The following SYT2 variants were observed in gnomAD, a reference collection of about 807,000 sequenced individuals.
The protein encoded by SYT2 is synaptotagmin-2.
A neutral mutation model predicts 39.9 loss-of-function variants in SYT2; 15 were observed. The ratio of observed to expected loss-of-function variants is 0.38; its 90% CI spans 0.25 to 0.58. The LOEUF is 0.58. Ranked by LOEUF, SYT2 falls within the 20% of genes least tolerant of loss-of-function variation. The pLI is 0.70. For missense variants in SYT2, 389 were observed against 530.3 expected, an observed-to-expected ratio of 0.73 and a Z score of 2.62; for synonymous variants, 181 against 204.5, an observed-to-expected ratio of 0.89 and a Z score of 0.98.
chr1:202,656,594 C>T (rs760538264), intron 1 of SYT2, among the ~76,000 whole-genome samples: 7 of 152,158 alleles, frequency 4.6e-5, no homozygotes, highest in Non-Finnish European at 1.0e-4. Flanking sequence ...GAAATAATGC[C>T]TTTTTTGGCA....
intron 1 of SYT2, among the ~76,000 whole-genome samples, chr1:202,698,317 T>C (rs985077766): frequency 1.3e-5 from 2 of 152,102 alleles, no homozygotes; most frequent in African/African-American, 2.4e-5. Context: ...GGGCAATCAA[T>C]TACCCAGCCC....
Position 202,601,912 on chromosome 1 carries a change from A to G in SYT2, c.779T>C (p.Leu260Pro). The G allele has an allele frequency of 6.2e-7, 1 of 1,614,014 alleles. No individual in the cohort carries two copies. The highest frequency in any genetic ancestry group is 1.1e-5 in the South Asian group (1 of 91,072). Reference sequence around the variant, plus strand: ...TACCTCCTCCTTTTCCCCGCCTTGCAGGTCTCTCCACTCCTCAATGGGCTG... The same window carrying G: ...TACCTCCTCCTTTTCCCCGCCTTGCGGGTCTCTCCACTCCTCAATGGGCTG... ...LGQPIEEWRDLQGGEKEEPEK... is the reference protein window; with the variant it reads ...LGQPIEEWRDPQGGEKEEPEK... Residue 260 changes from leucine to proline, a missense_variant, in exon 6 of 9, where the codon CTG (leucine) becomes CCG (proline). Leu to Pro is a moderately conservative substitution (Grantham distance 98). Coordinates refer to ENST00000367268, the MANE Select transcript of SYT2 (RefSeq NM_177402.5). The surrounding 1 kb of genome is among the most constrained non-coding windows in gnomAD (Gnocchi z 4.0).
Position 202,596,748 on chromosome 1 carries a change from C to A in SYT2, c.*9G>T. On this transcript the variant is annotated 3_prime_UTR_variant, in exon 9 of 9. Transcript: ENST00000367268. ...TCCGTGAAAGGTGTGGGGTCCCAGC[C>A]GCTGCTGTCTACTTGTTCTTGCCCA... 6.2e-7 allele frequency: 1 copy of A among 1,610,770 alleles called. No homozygotes were observed. Among genetic ancestry groups the A allele is most frequent in the Non-Finnish European group, 8.5e-7 (1 of 1,177,544 alleles).
intron 1 of SYT2, among the ~76,000 whole-genome samples, chr1:202,691,824 A>G (rs1488818399): frequency 6.7e-6 from 1 of 148,382 alleles, no homozygotes; most frequent in Non-Finnish European, 1.5e-5. Context: ...AGAATAGAGG[A>G]GAGTTCCCTC....
At position 202,667,466 on chromosome 1, in the gene SYT2, CGTGTGTGTGTGTGTGTGTGTGTGT is replaced by C. The variant is rs35072265; in HGVS notation, c.-18+42768_-18+42791del. Among the ~76,000 whole-genome samples, 1,299 of 140,838 alleles carry C rather than the reference CGTGTGTGTGTGTGTGTGTGTGTGT, an allele frequency of 9.2e-3. 16 individuals are homozygous for C. The highest frequency in any genetic ancestry group is 0.034 in the African/African-American group (1,237 of 36,462). The allele number at this position is 140,838 out of a possible 152,430, so 92.4% of individuals were successfully genotyped here. A position where few individuals can be genotyped will look rare whatever the true frequency, so the allele number is the denominator to read the frequency against. ...TAAAGACAACAGGCAAGTGACCAGC[CGTGTGTGTGTGTGTGTGTGTGTGT>C]GTGTGTGTGTGTGTGTGTGTGTGTA... On this transcript the variant is annotated intron_variant, in intron 1 of 8. Transcript: ENST00000367268.
At chr1:202,689,884 C>T (rs1178239006) in intron 1 of SYT2, among the ~76,000 whole-genome samples, 17 of 151,768 alleles carry the variant, frequency 1.1e-4, no homozygotes, top group African/African-American at 7.3e-5. Flanking sequence ...GTACTTCCCC[C>T]GGAAGTGCCC....
At chr1:202,708,744 G>T (rs181056561) in intron 1 of SYT2, among the ~76,000 whole-genome samples, 1 of 152,146 alleles carries the variant, frequency 6.6e-6, no homozygotes, top group Non-Finnish European at 1.5e-5. Context: ...TGCCAGGCAC[G>T]TCCCACTGCA....
At chr1:202,642,155 G>A (rs1691932925) in intron 1 of SYT2, among the ~76,000 whole-genome samples, 1 of 152,162 alleles carries the variant, frequency 6.6e-6, no homozygotes, top group South Asian at 2.1e-4. Context: ...CCCAGAGTGG[G>A]TCAGTGAGTT....
chr1:202,592,925 A>C lies in SYT2; in HGVS notation c.*3832T>G, dbSNP rs1007412350. 18 of 152,218 alleles carry C rather than the reference A, an allele frequency of 1.2e-4. 1 individual carries two copies. Among genetic ancestry groups the C allele is most frequent in the African/African-American group, 2.9e-4 (12 of 41,452 alleles). 9.4% of individuals were successfully genotyped at this position (152,218 alleles called of 1,614,324 possible). On this transcript the variant is annotated 3_prime_UTR_variant, in exon 9 of 9. Transcript: ENST00000367268. ...GCCTAGGACATATTTACACTTAATA[A>C]TTGTTTGTTGTTGAACTGAAATTCA...
In SYT2 at chr1:202,596,632, A is replaced by C; in HGVS notation, c.*125T>G. On this transcript the variant is annotated 3_prime_UTR_variant, in exon 9 of 9. Transcript: ENST00000367268. The stretch of plus-strand genomic sequence containing the variant: ...TTTAAAAAGAGAAAAACAAGGAAAA[A>C]CAAGGACACAACCACCCAACAAATG... 1.1e-6 allele frequency: 1 copy of C among 949,508 alleles called. No homozygotes were observed. Among genetic ancestry groups the C allele is most frequent in the South Asian group, 1.8e-5 (1 of 56,550 alleles). 58.8% of individuals were successfully genotyped at this position (949,508 alleles called of 1,614,324 possible).
intron 1 of SYT2, among the ~76,000 whole-genome samples, chr1:202,662,900 C>T (rs1200090878): frequency 6.6e-6 from 1 of 152,110 alleles, no homozygotes; most frequent in African/African-American, 2.4e-5. Context: ...AGTAAATTGT[C>T]GGTAATAATA....
intron 1 of SYT2, among the ~76,000 whole-genome samples, chr1:202,651,382 G>A (rs1692192039): frequency 6.6e-6 from 1 of 152,082 alleles, no homozygotes; most frequent in Non-Finnish European, 1.5e-5. Context: ...GGGGAGTTCA[G>A]CCTGGGACAC....
intron 1 of SYT2, among the ~76,000 whole-genome samples, chr1:202,608,949 C>A (rs948388860): frequency 1.8e-4 from 27 of 151,872 alleles, no homozygotes; most frequent in Non-Finnish European, 3.5e-4. Context: ...CATGTGTATA[C>A]ATGTGCCATG....
chr1:202,691,549 C>A (rs1308423134), intron 1 of SYT2, among the ~76,000 whole-genome samples: 2 of 151,588 alleles, frequency 1.3e-5, no homozygotes, highest in African/African-American at 4.9e-5. Context: ...ACCTGGGAGG[C>A]TGAGGCAGGA....
At chr1:202,616,099 G>A (rs929259914) in intron 1 of SYT2, among the ~76,000 whole-genome samples, 1 of 152,032 alleles carries the variant, frequency 6.6e-6, no homozygotes, top group Non-Finnish European at 1.5e-5. Flanking sequence ...TGCAGGAAAC[G>A]CCTCCCCACC....
At chr1:202,668,973 A>G (rs555492895) in intron 1 of SYT2, among the ~76,000 whole-genome samples, 1 of 152,376 alleles carries the variant, frequency 6.6e-6, no homozygotes, top group South Asian at 2.1e-4. Context: ...GTAATCAGGT[A>G]TCTGTCTGTG....
At chr1:202,679,064 G>T (rs1055220185) in intron 1 of SYT2, among the ~76,000 whole-genome samples, 4 of 152,192 alleles carry the variant, frequency 2.6e-5, no homozygotes, top group African/African-American at 9.6e-5. Context: ...CACCCCTTCT[G>T]CCCTCTCTCC....
At chr1:202,682,464 G>T (rs1040337172) in intron 1 of SYT2, among the ~76,000 whole-genome samples, 9 of 152,198 alleles carry the variant, frequency 5.9e-5, no homozygotes, top group Non-Finnish European at 1.2e-4. Context: ...AAGGGCACAG[G>T]TCAGGGAGGA....
chr1:202,667,551 T>A (rs973432288), intron 1 of SYT2, among the ~76,000 whole-genome samples: 3 of 151,720 alleles, frequency 2.0e-5, no homozygotes, highest in Non-Finnish European at 4.4e-5. Context: ...GAGTTGTGGA[T>A]ACTTTATTTT....
Sources: gnomAD v4.1 joint callset for allele counts (sites outside exome capture counted in the v4.1 genomes callset) on GRCh38, gnomAD v4.1.1 for gene constraint, Gnocchi (gnomAD v3.1) non-coding constraint, MANE v1.5 for transcripts, NCBI Gene and HGNC (gene_info 2026-07-23, HGNC 2026-07-21) for gene names.